ZSWIM6: variants seen among roughly 807,000 people sequenced by gnomAD.
The protein encoded by ZSWIM6 is zinc finger SWIM-type containing 6, also known as zinc finger SWIM domain-containing protein 6.
A neutral mutation model predicts 113.2 loss-of-function variants in ZSWIM6; 9 were observed. The ratio of observed to expected loss-of-function variants is 0.08; its 90% CI spans 0.05 to 0.14. ZSWIM6 has a LOEUF of 0.14. ZSWIM6 is among the 10% of genes least tolerant of loss of function. The pLI is 1.00. For missense variants in ZSWIM6, 1,162 were observed against 1,552.2 expected, an observed-to-expected ratio of 0.75 and a Z score of 4.22; for synonymous variants, 611 against 606.5, an observed-to-expected ratio of 1.01 and a Z score of -0.11.
chr5:61,420,784 A>AC (rs1172885527), intron 1 of ZSWIM6, among the ~76,000 whole-genome samples: 12 of 152,182 alleles, frequency 7.9e-5, no homozygotes, highest in Non-Finnish European at 1.0e-4. Context: ...CATATCAATC[A>AC]CCTCAAGCAT....
chr5:61,450,589 G>A (rs938293621), intron 1 of ZSWIM6, among the ~76,000 whole-genome samples: 4 of 152,114 alleles, frequency 2.6e-5, no homozygotes, highest in African/African-American at 9.7e-5. Context: ...CACTGGTGGG[G>A]ATTTTTTTTA....
chr5:61,334,909 C>G (rs1443377348), intron 1 of ZSWIM6, among the ~76,000 whole-genome samples: 6 of 150,738 alleles, frequency 4.0e-5, no homozygotes, highest in Non-Finnish European at 7.4e-5. Flanking sequence ...TTTTTTTTCC[C>G]CCTCCCTCTC....
At chr5:61,350,918 T>G (rs911393324) in intron 1 of ZSWIM6, among the ~76,000 whole-genome samples, 2 of 152,222 alleles carry the variant, frequency 1.3e-5, no homozygotes, top group Admixed American at 6.5e-5. Context: ...GGAAATAGAT[T>G]GTTACACATC....
rs1561194281 is a variant in ZSWIM6 at position 61,332,785 on chromosome 5, CG to C, written c.514del (p.Ala172ProfsTer48). 4.2e-5 allele frequency: 34 copies of C among 807,680 alleles called. No individual in the cohort carries two copies. In the African/African-American group the frequency reaches 6.5e-4, roughly 15 times the overall value. 50.0% of individuals were successfully genotyped at this position (807,680 alleles called of 1,614,324 possible). A position where few individuals can be genotyped will look rare whatever the true frequency, so the allele number is the denominator to read the frequency against. On this transcript the variant is annotated frameshift_variant, in exon 1 of 14. Transcript: ENST00000252744. LOFTEE classifies it high-confidence loss of function. ...CGGCGGCCGCAACCTCGGCCGCCGCCGCCGCTGCCGCCGCCGCCGCCGCCGC... is the reference window on the plus strand; with the variant it reads ...CGGCGGCCGCAACCTCGGCCGCCGCCCCGCTGCCGCCGCCGCCGCCGCCGC... Reference protein sequence around the residue: ...TSAAATSAAAAAAAAAAAAAA... With the variant: ...TSAAATSAAAXAAAAAAAAAA...
In ZSWIM6 at chr5:61,383,528, T is replaced by A. The variant is rs183381509; in HGVS notation, c.676+50580T>A. The stretch of plus-strand genomic sequence containing the variant: ...TATTCTAATCTGGTACCTACTGATG[T>A]AGAAGAACTTTCTCTTTTTTTTTTT... On this transcript the variant is annotated intron_variant, in intron 1 of 13. Coordinates refer to ENST00000252744, the MANE Select transcript of ZSWIM6 (RefSeq NM_020928.2). 4.0e-3 allele frequency among the ~76,000 whole-genome samples: 605 copies of A among 152,298 alleles called. 1 individual carries two copies. Among genetic ancestry groups the A allele is most frequent in the African/African-American group, 0.014 (584 of 41,578 alleles).
At chr5:61,536,555 T>G (rs532452608) in intron 10 of ZSWIM6, among the ~76,000 whole-genome samples, 1 of 152,356 alleles carries the variant, frequency 6.6e-6, no homozygotes, top group African/African-American at 2.4e-5. Context: ...TCAAGAAGCT[T>G]TTCATCAAAG....
At chr5:61,428,263 A>G (rs1328481766) in intron 1 of ZSWIM6, among the ~76,000 whole-genome samples, 2 of 152,220 alleles carry the variant, frequency 1.3e-5, no homozygotes. Flanking sequence ...AGTCATGAAT[A>G]CTATGGTGAA....
intron 1 of ZSWIM6, among the ~76,000 whole-genome samples, chr5:61,411,501 A>T (rs1746147308): frequency 6.6e-6 from 1 of 152,258 alleles, no homozygotes; most frequent in African/African-American, 2.4e-5. Context: ...TAATAAGAAC[A>T]CTTTAAAATT....
At chr5:61,513,948 A>G (rs1195180703) in intron 4 of ZSWIM6, among the ~76,000 whole-genome samples, 1 of 151,966 alleles carries the variant, frequency 6.6e-6, no homozygotes, top group African/African-American at 2.4e-5. Context: ...ATTCTATTGC[A>G]TTTCTTGTCA....
At chr5:61,382,628 A>AC (rs1307398627) in intron 1 of ZSWIM6, among the ~76,000 whole-genome samples, 19 of 151,824 alleles carry the variant, frequency 1.3e-4, no homozygotes, top group African/African-American at 4.4e-4. Context: ...ACATGGTGAA[A>AC]CCCCCCTCTA....
chr5:61,347,044 A>G (rs1002338247), intron 1 of ZSWIM6: 2 of 152,440 alleles, frequency 1.3e-5, no homozygotes, highest in Non-Finnish European at 1.5e-5. Context: ...ACAATTAGTG[A>G]TATAATAGCT....
At chr5:61,341,715 AC>A (rs1374446406) in intron 1 of ZSWIM6, among the ~76,000 whole-genome samples, 4 of 152,092 alleles carry the variant, frequency 2.6e-5, no homozygotes, top group African/African-American at 9.7e-5. Context: ...TTTGTATTTG[AC>A]CAGGTTTTTA....
At chr5:61,398,985 C>T (rs1392058877) in intron 1 of ZSWIM6, among the ~76,000 whole-genome samples, 6 of 125,558 alleles carry the variant, frequency 4.8e-5, no homozygotes, top group East Asian at 2.7e-4. Flanking sequence ...TGCAGTGGTG[C>T]GATCTCTGCT....
chr5:61,361,954 G>A (rs969257433), intron 1 of ZSWIM6, among the ~76,000 whole-genome samples: 3 of 152,196 alleles, frequency 2.0e-5, no homozygotes, highest in African/African-American at 7.2e-5. Flanking sequence ...TAACCATTAT[G>A]TGAGTCTCCC....
chr5:61,381,342 T>G (rs757786912), intron 1 of ZSWIM6, among the ~76,000 whole-genome samples: 1 of 152,256 alleles, frequency 6.6e-6, no homozygotes, highest in Non-Finnish European at 1.5e-5. Flanking sequence ...CATAAACATT[T>G]ATTGTTCCTT....
chr5:61,360,779 C>T (rs1361063134), intron 1 of ZSWIM6, among the ~76,000 whole-genome samples: 1 of 152,142 alleles, frequency 6.6e-6, no homozygotes. Context: ...GCTTCTGTTT[C>T]TCTTTGATCT....
intron 7 of ZSWIM6, 50 bp downstream of exon 7, chr5:61,526,446 C>T (rs2112269201): frequency 6.5e-7 from 1 of 1,545,790 alleles, no homozygotes; most frequent in Non-Finnish European, 8.7e-7. Context: ...TTAGTGATGA[C>T]ATTACTAGGT....
intron 5 of ZSWIM6, among the ~76,000 whole-genome samples, chr5:61,524,055 A>G (rs1749212664): frequency 6.6e-6 from 1 of 152,204 alleles, no homozygotes; most frequent in African/African-American, 2.4e-5. Flanking sequence ...TTTAGTTTTA[A>G]ATTTTGTTTC....
intron 1 of ZSWIM6, among the ~76,000 whole-genome samples, chr5:61,395,920 TA>T (rs1390455047): frequency 1.3e-5 from 2 of 152,112 alleles, no homozygotes; most frequent in East Asian, 1.9e-4. Flanking sequence ...CTTTTTTTTT[TA>T]TGGGAGGTAT....
Sources: gnomAD v4.1 joint callset for allele counts (sites outside exome capture counted in the v4.1 genomes callset) on GRCh38, gnomAD v4.1.1 for gene constraint, MANE v1.5 for transcripts, NCBI Gene and HGNC (gene_info 2026-07-23, HGNC 2026-07-21) for gene names.